Variants in NBEA observed in about 807,000 individuals in gnomAD.
NBEA encodes the protein neurobeachin.
In NBEA, 44 loss-of-function variants were observed where a neutral mutation model predicts 343.4. That is an observed-to-expected ratio of 0.13 (90% CI 0.10 to 0.16). The LOEUF (loss-of-function observed/expected upper bound fraction) is 0.16. Among genes scored for constraint, NBEA ranks in the 10% least tolerant of loss-of-function variants. The pLI is 1.00. For synonymous variants in NBEA, 1,175 were observed against 1,238.7 expected (o/e 0.95, Z 1.08); for missense variants, 2,555 against 3,631.3 (o/e 0.70, Z 7.62).
chr13:35,194,642 T>G (rs1236201390), intron 30 of NBEA, among the ~76,000 whole-genome samples: 2 of 152,118 alleles, frequency 1.3e-5, no homozygotes, highest in Non-Finnish European at 2.9e-5. Context: ...GTATCTTACT[T>G]TATTCAAAAC....
At chr13:35,108,672 T>C (rs1426435747) in intron 11 of NBEA, among the ~76,000 whole-genome samples, 1 of 152,058 alleles carries the variant, frequency 6.6e-6, no homozygotes, top group African/African-American at 2.4e-5. Context: ...CTGGCTACTG[T>C]ATGAGATGGT....
At chr13:35,315,208 A>C (rs956485249) in intron 36 of NBEA, among the ~76,000 whole-genome samples, 1 of 152,208 alleles carries the variant, frequency 6.6e-6, no homozygotes, top group African/African-American at 2.4e-5. Flanking sequence ...AAATTATTAT[A>C]AATGTTTATC....
At chr13:35,589,622 C>T (rs905475414) in intron 46 of NBEA, among the ~76,000 whole-genome samples, 2 of 151,908 alleles carry the variant, frequency 1.3e-5, no homozygotes, top group Non-Finnish European at 2.9e-5. Flanking sequence ...GATGACTAAG[C>T]GAAAATCGTG....
intron 58 of NBEA, among the ~76,000 whole-genome samples, chr13:35,668,929 G>A (rs1242099140): frequency 6.6e-6 from 1 of 152,340 alleles, no homozygotes; most frequent in East Asian, 1.9e-4. Flanking sequence ...TTCCAGCAAA[G>A]TGCATAGTGT....
chr13:35,437,508 A>G (rs1380600613), intron 39 of NBEA, among the ~76,000 whole-genome samples: 2 of 152,100 alleles, frequency 1.3e-5, no homozygotes. Context: ...TGTCATGTGC[A>G]AAAGATTTTG....
chr13:34,946,167 T>C (rs534934714), intron 1 of NBEA, among the ~76,000 whole-genome samples: 1 of 152,274 alleles, frequency 6.6e-6, no homozygotes, highest in Middle Eastern at 3.4e-3. Context: ...GGATTTTGCA[T>C]TGTAGCTCTA....
At chr13:35,095,345 T>A (rs1284475597) in intron 10 of NBEA, among the ~76,000 whole-genome samples, 1 of 151,140 alleles carries the variant, frequency 6.6e-6, no homozygotes, top group Non-Finnish European at 1.5e-5. Flanking sequence ...AAATTAGTTA[T>A]GTTTATACAT....
intron 10 of NBEA, among the ~76,000 whole-genome samples, chr13:35,090,669 G>T (rs1271439090): frequency 2.0e-5 from 3 of 151,910 alleles, no homozygotes; most frequent in Non-Finnish European, 4.4e-5. Flanking sequence ...TGGGGACTCA[G>T]AAGGATTTTT....
intron 1 of NBEA, among the ~76,000 whole-genome samples, chr13:34,992,839 A>AT (rs11434153): frequency 0.44 from 60,414 of 136,334 alleles, 13,503 homozygotes; most frequent in Middle Eastern, 0.61. Context: ...CACCCGGCTA[A>AT]TTTTTTTTTT....
At chr13:35,508,453 G>A (rs769106117) in intron 41 of NBEA, among the ~76,000 whole-genome samples, 8 of 152,188 alleles carry the variant, frequency 5.3e-5, no homozygotes, top group Non-Finnish European at 1.2e-4. Context: ...CATGAAGAAT[G>A]AATTGGATGA....
chr13:35,398,608 A>G (rs2042854736), intron 38 of NBEA, among the ~76,000 whole-genome samples: 1 of 152,140 alleles, frequency 6.6e-6, no homozygotes, highest in Admixed American at 6.6e-5. Flanking sequence ...TGCCTTGTCA[A>G]TGGGCAGTAA....
intron 36 of NBEA, among the ~76,000 whole-genome samples, chr13:35,330,105 C>T (rs1464067086): frequency 6.6e-6 from 1 of 152,000 alleles, no homozygotes; most frequent in Non-Finnish European, 1.5e-5. Flanking sequence ...GATAGCTTTT[C>T]CCGAACAACA....
At chr13:35,042,936 A>C (rs2152559330) in intron 2 of NBEA, among the ~76,000 whole-genome samples, 1 of 151,910 alleles carries the variant, frequency 6.6e-6, no homozygotes, top group South Asian at 2.1e-4. Flanking sequence ...AATGTAGTAA[A>C]AGTGTCACTA....
chr13:35,565,416 C>A (rs1342371015), intron 44 of NBEA, among the ~76,000 whole-genome samples: 1 of 151,602 alleles, frequency 6.6e-6, no homozygotes, highest in Non-Finnish European at 1.5e-5. Context: ...TTTCCAAATG[C>A]TGTAAGAGCA....
intron 41 of NBEA, among the ~76,000 whole-genome samples, chr13:35,533,390 CA>C (rs1727178455): frequency 1.3e-5 from 2 of 151,922 alleles, no homozygotes; most frequent in East Asian, 3.9e-4. Flanking sequence ...GTTATTTTTC[CA>C]TATTAGTTAA....
intron 45 of NBEA, among the ~76,000 whole-genome samples, chr13:35,576,920 T>C (rs1448004449): frequency 6.6e-6 from 1 of 152,210 alleles, no homozygotes; most frequent in Non-Finnish European, 1.5e-5. Context: ...CGACTTTTGA[T>C]TACATATAGT....
chr13:35,662,391 C>A (rs2085139438), intron 55 of NBEA, among the ~76,000 whole-genome samples: 1 of 152,172 alleles, frequency 6.6e-6, no homozygotes, highest in Non-Finnish European at 1.5e-5. Flanking sequence ...GGCCCTTTAA[C>A]CCTGGGCTAC....
At chr13:35,364,535 G>T (rs953250155) in intron 38 of NBEA, among the ~76,000 whole-genome samples, 1 of 151,762 alleles carries the variant, frequency 6.6e-6, no homozygotes, top group African/African-American at 2.4e-5. Context: ...GTTTTAAAAG[G>T]ATGGGACATT....
chr13:35,504,189 C>T (rs747819228), intron 41 of NBEA, among the ~76,000 whole-genome samples: 2 of 152,154 alleles, frequency 1.3e-5, no homozygotes, highest in African/African-American at 2.4e-5. Context: ...TGGAGTATCC[C>T]TTTGTAGAAT....
Sources: gnomAD v4.1 joint callset for allele counts (sites outside exome capture counted in the v4.1 genomes callset) on GRCh38, gnomAD v4.1.1 for gene constraint, MANE v1.5 for transcripts, NCBI Gene and HGNC (gene_info 2026-07-23, HGNC 2026-07-21) for gene names.